The following USH2A variants were observed in gnomAD, a reference collection of about 807,000 sequenced individuals.
USH2A encodes Usher syndrome 2A (autosomal recessive, mild).
Under a neutral mutation model 538.9 loss-of-function variants are expected in USH2A, and 443 were observed. The observed-to-expected ratio is 0.82, with a 90% confidence interval of 0.76 to 0.89. The LOEUF is 0.89. Among genes scored for constraint, USH2A ranks in the 40% least tolerant of loss-of-function variants. The probability of loss-of-function intolerance (pLI) is 0.00; values close to 1 mark genes in which losing one functional copy is unlikely to be tolerated. For synonymous variants in USH2A, 2,413 were observed against 2,273.5 expected (o/e 1.06, Z -1.75); for missense variants, 6,633 against 6,324.8 (o/e 1.05, Z -1.65).
Position 216,352,453 on chromosome 1 carries a change from G to A in USH2A, c.784+12500C>T, listed in dbSNP as rs565157858. On this transcript the variant is annotated intron_variant, in intron 4 of 71. Coordinates refer to ENST00000307340, the MANE Select transcript of USH2A (RefSeq NM_206933.4). ...ACTATTAGATTTATAATGTGAAGGT[G>A]AGTAGAGATTTGACAAGTGTAGCTT... 1.4e-4 allele frequency among the ~76,000 whole-genome samples: 22 copies of A among 152,260 alleles called. No homozygotes were observed. In the South Asian group the frequency reaches 4.4e-3, roughly 30 times the overall value.
chr1:216,400,468 G>A (rs1025614572), intron 3 of USH2A, among the ~76,000 whole-genome samples: 6 of 151,560 alleles, frequency 4.0e-5, no homozygotes, highest in African/African-American at 1.2e-4. Context: ...GTTAACATTT[G>A]TATAACTGGA....
chr1:215,748,252 A>C (rs1482548935), intron 58 of USH2A, among the ~76,000 whole-genome samples: 1 of 152,146 alleles, frequency 6.6e-6, no homozygotes, highest in Non-Finnish European at 1.5e-5. Context: ...CGGTGAACCC[A>C]CATATTTATG....
At chr1:215,963,442 G>A (rs1475858854) in intron 37 of USH2A, among the ~76,000 whole-genome samples, 3 of 151,914 alleles carry the variant, frequency 2.0e-5, no homozygotes, top group East Asian at 1.9e-4. Flanking sequence ...AGTTGAACCC[G>A]TACCGCAAAA....
chr1:215,646,713 G>A (rs1656862915), intron 67 of USH2A, among the ~76,000 whole-genome samples: 1 of 152,130 alleles, frequency 6.6e-6, no homozygotes, highest in Non-Finnish European at 1.5e-5. Context: ...TTTTAGTAGA[G>A]ATGGGGTTTC....
chr1:216,217,812 T>C (rs914833595), intron 14 of USH2A, among the ~76,000 whole-genome samples: 8 of 152,222 alleles, frequency 5.3e-5, no homozygotes, highest in Admixed American at 5.2e-4. Flanking sequence ...AAAGATATTA[T>C]ATTGCTTTTT....
chr1:216,421,809 G>T (rs760586735), intron 2 of USH2A, 43 bp downstream of exon 2: 1 of 1,613,458 alleles, frequency 6.2e-7, no homozygotes, highest in Non-Finnish European at 8.5e-7. Context: ...ACTACTACTG[G>T]TTTTGGGGAC....
intron 3 of USH2A, among the ~76,000 whole-genome samples, chr1:216,384,772 G>GA (rs955236468): frequency 1.1e-4 from 17 of 151,560 alleles, no homozygotes; most frequent in Middle Eastern, 3.4e-3. Flanking sequence ...GCAACAGAAT[G>GA]AAAAAAAATG....
In USH2A at chr1:215,648,559, G is replaced by A. The variant is rs758804502; in HGVS notation, c.14551C>T (p.Pro4851Ser). Residue 4851 changes from proline to serine, a missense_variant, in exon 66 of 72, where the codon CCC (proline) becomes TCC (serine). Transcript: ENST00000307340. ...ATGACACCATTGGGGAACATGGGGG[G>A]ACTCCACCGGAAGGAGGCCGTCCTT... The part of the protein sequence containing the change: ...ASRTASFRWS[P>S]PMFPNGVIHS... 1 of 1,614,140 alleles carries A rather than the reference G, an allele frequency of 6.2e-7. No individual in the cohort carries two copies. The highest frequency in any genetic ancestry group is 8.5e-7 in the Non-Finnish European group (1 of 1,180,028).
intron 37 of USH2A, among the ~76,000 whole-genome samples, chr1:215,936,986 C>G (rs1032546097): frequency 8.6e-5 from 13 of 151,942 alleles, no homozygotes; most frequent in African/African-American, 2.9e-4. Flanking sequence ...TACTTATAAC[C>G]ATTTAGGGAT....
At chr1:216,383,846 TTTTCTTTC>T (rs200269704) in intron 3 of USH2A, among the ~76,000 whole-genome samples, 1 of 148,894 alleles carries the variant, frequency 6.7e-6, no homozygotes, top group African/African-American at 2.6e-5. Flanking sequence ...GGCTAATTTT[TTTTCTTTC>T]TTTCTTTCTT....
chr1:215,647,844 G>T (rs1425718903), intron 66 of USH2A, 114 bp from the exon 67 acceptor site: 1 of 1,249,304 alleles, frequency 8.0e-7, no homozygotes, highest in Non-Finnish European at 1.1e-6. Flanking sequence ...AGAGCTACAG[G>T]CTCTTTAAAA....
At chr1:215,697,989 CCT>C (rs1211249938) in intron 61 of USH2A, among the ~76,000 whole-genome samples, 1 of 152,136 alleles carries the variant, frequency 6.6e-6, no homozygotes, top group African/African-American at 2.4e-5. Flanking sequence ...CTCCCCAGCC[CCT>C]GACAGGCCCC....
chr1:215,859,485 G>A (rs926231607), intron 44 of USH2A, among the ~76,000 whole-genome samples: 2 of 151,014 alleles, frequency 1.3e-5, no homozygotes, highest in African/African-American at 4.9e-5. Context: ...AGTGAGCCGA[G>A]ATCACACCAC....
intron 10 of USH2A, among the ~76,000 whole-genome samples, chr1:216,291,610 G>A (rs377110716): frequency 6.6e-6 from 1 of 152,188 alleles, no homozygotes; most frequent in Admixed American, 6.5e-5. Context: ...AAATTCAGAT[G>A]TTGGCCATTT....
At chr1:216,267,566 G>A (rs1019856005) in intron 11 of USH2A, among the ~76,000 whole-genome samples, 2 of 152,056 alleles carry the variant, frequency 1.3e-5, no homozygotes, top group Non-Finnish European at 2.9e-5. Context: ...GATGGGAGAA[G>A]TCAAGTTCAC....
chr1:215,660,344 G>T (rs1339978877), intron 64 of USH2A, among the ~76,000 whole-genome samples: 2 of 152,044 alleles, frequency 1.3e-5, no homozygotes, highest in Non-Finnish European at 2.9e-5. Flanking sequence ...ATAAATAATA[G>T]TGATTACTAT....
intron 13 of USH2A, among the ~76,000 whole-genome samples, chr1:216,242,377 A>AT (rs1200581505): frequency 1.8e-4 from 27 of 149,964 alleles, no homozygotes; most frequent in African/African-American, 6.2e-4. Flanking sequence ...AAAGAAAAAA[A>AT]AAATATATAT....
chr1:216,081,877 G>T (rs2031956664), intron 26 of USH2A, among the ~76,000 whole-genome samples: 1 of 151,914 alleles, frequency 6.6e-6, no homozygotes, highest in South Asian at 2.1e-4. Flanking sequence ...AATTATAGGG[G>T]TGAGCCACTG....
At chr1:216,105,818 T>C (rs1571965338) in intron 21 of USH2A, among the ~76,000 whole-genome samples, 1 of 152,118 alleles carries the variant, frequency 6.6e-6, no homozygotes, top group Middle Eastern at 3.4e-3. Flanking sequence ...TATACAAATA[T>C]TTTCATTTAT....
Sources: allele counts gnomAD v4.1 joint callset (sites outside exome capture counted in the v4.1 genomes callset), GRCh38; gene constraint gnomAD v4.1.1; transcripts MANE v1.5; gene names NCBI Gene and HGNC (gene_info 2026-07-23, HGNC 2026-07-21).